The following DOCK5 variants were observed in gnomAD, a reference collection of about 807,000 sequenced individuals.
DOCK5 encodes dedicator of cytokinesis protein 5.
Under a neutral mutation model 251.8 loss-of-function variants are expected in DOCK5, and 142 were observed. That is an observed-to-expected ratio of 0.56 (90% confidence interval 0.49 to 0.65). DOCK5 has a LOEUF of 0.65. Among genes scored for constraint, DOCK5 ranks in the 30% least tolerant of loss-of-function variants. The pLI is 0.00. For synonymous variants in DOCK5, 842 were observed against 835.5 expected (o/e 1.01, Z -0.13); for missense variants, 2,111 against 2,312.3 (o/e 0.91, Z 1.79).
Position 25,406,332 on chromosome 8 carries a change from G to GA in DOCK5, c.5094-1650dup, listed in dbSNP as rs1191227217. ...ACCTACTGCTTAATTTAATATAGGT[G>GA]ATGAGCATTTATGCATCATTAAGTA... On this transcript the variant is annotated intron_variant, in intron 48 of 51. Transcript: ENST00000276440. Among the ~76,000 whole-genome samples, 52 of 152,140 alleles carry GA rather than the reference G, an allele frequency of 3.4e-4. 2 individuals carry two copies. The highest frequency in any genetic ancestry group is 7.3e-5 in the Non-Finnish European group (5 of 68,030).
intron 1 of DOCK5, among the ~76,000 whole-genome samples, chr8:25,203,638 T>C (rs1304822712): frequency 1.3e-5 from 2 of 152,214 alleles, no homozygotes; most frequent in African/African-American, 4.8e-5. Context: ...ATTTCGATTC[T>C]GATACAATGT....
intron 47 of DOCK5, 69 bp from the exon 48 acceptor site, chr8:25,403,489 G>A (rs1356780417): frequency 1.3e-6 from 2 of 1,543,242 alleles, no homozygotes; most frequent in Non-Finnish European, 1.8e-6. Flanking sequence ...AAGCAAACAG[G>A]GCAGCTGTGG....
At chr8:25,403,373 C>T (rs997393354) in intron 47 of DOCK5, among the ~76,000 whole-genome samples, 185 bp from the exon 48 acceptor site, 13 of 152,246 alleles carry the variant, frequency 8.5e-5, no homozygotes, top group Middle Eastern at 3.4e-3. Flanking sequence ...CTATAGCTAA[C>T]AGTATCAGTA....
chr8:25,312,124 T>A (rs555662190), intron 13 of DOCK5, among the ~76,000 whole-genome samples: 34 of 152,252 alleles, frequency 2.2e-4, no homozygotes, highest in African/African-American at 7.9e-4. Flanking sequence ...AGAAGATAGT[T>A]TTTTGCTTAT....
chr8:25,394,994 A>G (rs1352312277), intron 44 of DOCK5, among the ~76,000 whole-genome samples: 2 of 152,066 alleles, frequency 1.3e-5, no homozygotes, highest in African/African-American at 4.8e-5. Flanking sequence ...AGCACATTAC[A>G]TTTACTGTGC....
chr8:25,212,945 A>G lies in DOCK5; in HGVS notation c.43+27994A>G, dbSNP rs1021832165. ...TAAGGATGAATCTGCTGTTTGGAGA[A>G]TATTCCCTGAGCAATTTAAAGGCTA... On this transcript the variant is annotated intron_variant, in intron 1 of 51. Coordinates refer to ENST00000276440, the MANE Select transcript of DOCK5 (RefSeq NM_024940.8). Among the ~76,000 whole-genome samples the G allele has an allele frequency of 5.4e-4, 37 of 68,242 alleles. 15 individuals are homozygous for G. The highest frequency in any genetic ancestry group is 6.6e-4 in the Non-Finnish European group (14 of 21,108). The allele number at this position is 68,242 out of a possible 152,430, so 44.8% of individuals were successfully genotyped here.
At chr8:25,341,618 G>T in intron 23 of DOCK5, 121 bp from the exon 24 acceptor site, 1 of 786,526 alleles carries the variant, frequency 1.3e-6, no homozygotes, top group Non-Finnish European at 2.1e-6. Flanking sequence ...TATTGTAAGG[G>T]TATCTGTGTC....
chr8:25,319,056 G>A (rs1041740277), intron 14 of DOCK5, among the ~76,000 whole-genome samples: 10 of 152,104 alleles, frequency 6.6e-5, no homozygotes, highest in African/African-American at 1.9e-4. Context: ...TGGTCATTTC[G>A]TTTGATAGTG....
intron 27 of DOCK5, among the ~76,000 whole-genome samples, chr8:25,354,529 C>T (rs921350719): frequency 8.5e-5 from 13 of 152,140 alleles, no homozygotes; most frequent in East Asian, 1.9e-4. Flanking sequence ...GCAGTACTCC[C>T]GCCGTGCTTC....
intron 1 of DOCK5, among the ~76,000 whole-genome samples, chr8:25,214,806 G>A (rs1395700207): frequency 2.6e-5 from 4 of 152,176 alleles, no homozygotes; most frequent in African/African-American, 9.7e-5. Flanking sequence ...TGTGACACGC[G>A]AGAGAGCCCC....
Position 25,351,721 on chromosome 8 carries a change from T to C in DOCK5, c.2755-10T>C. The C allele has an allele frequency of 6.2e-7, 1 of 1,610,444 alleles. No individual in the cohort carries two copies. The highest frequency in any genetic ancestry group is 2.2e-5 in the East Asian group (1 of 44,846). On this transcript the variant is annotated splice_polypyrimidine_tract_variant and intron_variant, in intron 26 of 51. Coordinates refer to ENST00000276440, the MANE Select transcript of DOCK5 (RefSeq NM_024940.8). ...AGAAGGAATGGAGTCAAATCCTGTG[T>C]TCCCTGCAGGGTGCCACTGCGGTGC...
chr8:25,237,856 G>C (rs373064907), intron 1 of DOCK5, among the ~76,000 whole-genome samples: 2 of 152,308 alleles, frequency 1.3e-5, no homozygotes, highest in Admixed American at 1.3e-4. Flanking sequence ...GCTCTTTAAA[G>C]GCAATCCTGT....
chr8:25,371,602 C>T (rs1034866214), intron 34 of DOCK5, among the ~76,000 whole-genome samples: 2 of 152,178 alleles, frequency 1.3e-5, no homozygotes, highest in South Asian at 2.1e-4. Context: ...CATTAAGTCT[C>T]TCCATTTGAG....
chr8:25,379,142 A>T (rs757234542), intron 38 of DOCK5, among the ~76,000 whole-genome samples: 3 of 152,210 alleles, frequency 2.0e-5, no homozygotes, highest in Non-Finnish European at 4.4e-5. Context: ...TATAGTCTTG[A>T]TAAACATCTT....
At chr8:25,224,612 A>G (rs894234539) in intron 1 of DOCK5, among the ~76,000 whole-genome samples, 4 of 152,212 alleles carry the variant, frequency 2.6e-5, no homozygotes, top group Non-Finnish European at 5.9e-5. Context: ...TTCATTTAAA[A>G]TAGTTATGGT....
Position 25,340,904 on chromosome 8 carries a change from T to G in DOCK5, c.2355T>G (p.Asp785Glu). Residue 785 changes from aspartate (D) to glutamate (E), a missense_variant, in exon 23 of 52, where the codon GAT becomes GAG. Physicochemically the swap from Asp to Glu is conservative, Grantham distance 45 (BLOSUM62 2). This residue lies in a region of DOCK5 where 1,717 missense variants were observed against 1,892.4 expected (regional missense o/e 0.91). Coordinates refer to ENST00000276440, the MANE Select transcript of DOCK5 (RefSeq NM_024940.8). ...LRFYGQSKDG[D>E]EFNNSIRQLF... ...TTTATGGGCAGAGCAAAGATGGAGATGAGTTTAATAATTCAATTCGCCAGT... is the reference window on the plus strand; with the variant it reads ...TTTATGGGCAGAGCAAAGATGGAGAGGAGTTTAATAATTCAATTCGCCAGT... 6.2e-7 allele frequency: 1 copy of G among 1,613,742 alleles called. No individual in the cohort carries two copies. The highest frequency in any genetic ancestry group is 8.5e-7 in the Non-Finnish European group (1 of 1,179,784).
intron 38 of DOCK5, among the ~76,000 whole-genome samples, chr8:25,379,886 C>T (rs1801034590): frequency 6.7e-6 from 1 of 149,824 alleles, no homozygotes; most frequent in Non-Finnish European, 1.5e-5. Flanking sequence ...ATACACACAC[C>T]TGTACACACA....
rs1395323949 is a variant in DOCK5 at position 25,325,487 on chromosome 8, A to G, written c.1843A>G (p.Ser615Gly). The G allele has an allele frequency of 6.2e-7, 1 of 1,613,770 alleles. No individual in the cohort carries two copies. Among genetic ancestry groups the G allele is most frequent in the African/African-American group, 1.3e-5 (1 of 74,936 alleles). The change falls in exon 18 of 52, where the codon AGC (serine) becomes GGC (glycine). Residue 615 changes from serine (S) to glycine (G), a missense_variant. Transcript: ENST00000276440. ...NLVTFTPSKDSTKDSFQIATL... is the reference protein window; with the variant it reads ...NLVTFTPSKDGTKDSFQIATL... ...GGTCACCTTCACCCCAAGCAAGGAT[A>G]GCACTAAAGACAGCTTTCAGATTGC... is the stretch of plus-strand genomic sequence containing the variant.
At chr8:25,299,175 G>T in intron 8 of DOCK5, 74 bp downstream of exon 8, 1 of 1,512,610 alleles carries the variant, frequency 6.6e-7, no homozygotes, top group Non-Finnish European at 8.9e-7. Context: ...TACCCGGGCA[G>T]CTCTTTGCCA....
Sources: allele counts gnomAD v4.1 joint callset (sites outside exome capture counted in the v4.1 genomes callset), GRCh38; gene constraint gnomAD v4.1.1; regional missense constraint gnomAD v4.1.1; transcripts MANE v1.5; gene names NCBI Gene and HGNC (gene_info 2026-07-23, HGNC 2026-07-21).